TRIP11: variants seen among roughly 807,000 people sequenced by gnomAD.
The protein encoded by TRIP11 is thyroid hormone receptor interactor 11, also known as thyroid receptor-interacting protein 11.
A neutral mutation model predicts 223.1 loss-of-function variants in TRIP11; 148 were observed. That is an observed-to-expected ratio of 0.66 (90% CI 0.58 to 0.76). The LOEUF (loss-of-function observed/expected upper bound fraction) is 0.76. Ranked by LOEUF, TRIP11 falls within the 30% of genes least tolerant of loss-of-function variation. The pLI is 0.00. For missense variants in TRIP11, 2,043 were observed against 2,222.0 expected (o/e 0.92, Z 1.62); for synonymous variants, 762 against 772.6 (o/e 0.99, Z 0.23).
chr14:91,970,809 C>A (rs2056392537), intron 20 of TRIP11, among the ~76,000 whole-genome samples: 1 of 152,114 alleles, frequency 6.6e-6, no homozygotes. Context: ...CTTCATTTAC[C>A]ATAACAACAG....
In TRIP11 at chr14:91,969,485, T is replaced by C. The variant is rs2056374314; in HGVS notation, c.*188A>G. ...ATCAGAAGGAATAAAGCAGATTATA[T>C]AGCAAACACTTGCTCCTGACACCTG... On this transcript the variant is annotated 3_prime_UTR_variant, in exon 21 of 21. Coordinates refer to ENST00000267622, the MANE Select transcript of TRIP11 (RefSeq NM_004239.4). 12 of 650,368 alleles carry C rather than the reference T, an allele frequency of 1.8e-5. No homozygotes were observed. Among genetic ancestry groups the C allele is most frequent in the Middle Eastern group, 8.4e-4 (2 of 2,380 alleles). 40.3% of individuals were successfully genotyped at this position (650,368 alleles called of 1,614,324 possible).
At chr14:92,038,517 C>T (rs994394777) in intron 1 of TRIP11, among the ~76,000 whole-genome samples, 2 of 152,064 alleles carry the variant, frequency 1.3e-5, no homozygotes, top group African/African-American at 4.8e-5. Flanking sequence ...TCTATTCTTC[C>T]TTCCATCTAA....
chr14:91,986,700 C>G (rs1301800004), intron 16 of TRIP11, among the ~76,000 whole-genome samples: 1 of 152,204 alleles, frequency 6.6e-6, no homozygotes, highest in Non-Finnish European at 1.5e-5. Context: ...TGCTGTTTCA[C>G]CTCCATTAGT....
chr14:92,014,969 T>A (rs1379790307), intron 6 of TRIP11, among the ~76,000 whole-genome samples: 6 of 151,168 alleles, frequency 4.0e-5, no homozygotes, highest in Non-Finnish European at 7.4e-5. Flanking sequence ...AGTGGTGCCA[T>A]CTCGGCTCAC....
At chr14:91,988,254 T>C (rs1242696028) in intron 16 of TRIP11, 30 bp downstream of exon 16, 1 of 1,550,616 alleles carries the variant, frequency 6.4e-7, no homozygotes. Context: ...AGTATTGTAG[T>C]GGGGGAAAAA....
intron 13 of TRIP11, among the ~76,000 whole-genome samples, chr14:91,998,796 T>C (rs2056783460): frequency 6.6e-6 from 1 of 152,184 alleles, no homozygotes; most frequent in Non-Finnish European, 1.5e-5. Context: ...CAGTTAATTC[T>C]TCATACTGAC....
intron 16 of TRIP11, among the ~76,000 whole-genome samples, chr14:91,983,114 T>C (rs978797743): frequency 1.3e-5 from 2 of 152,210 alleles, no homozygotes; most frequent in Admixed American, 6.5e-5. Flanking sequence ...TTCACTAACC[T>C]TGTCTACCCT....
In TRIP11 at chr14:92,005,537, TTTC is replaced by T. The variant is rs757639058; in HGVS notation, c.2436_2438del (p.Lys813del). 3 of 1,611,286 alleles carry T rather than the reference TTTC, an allele frequency of 1.9e-6. No individual in the cohort carries two copies. Among genetic ancestry groups the T allele is most frequent in the Non-Finnish European group, 2.5e-6 (3 of 1,179,556 alleles). ...CTTTAAGCTTTTCAATAAAAATTTC[TTTC>T]TTGTTTATAAGTTGTGTCAACTGCT... On this transcript the variant is annotated inframe_deletion, in exon 11 of 21. Coordinates refer to ENST00000267622, the MANE Select transcript of TRIP11 (RefSeq NM_004239.4).
intron 3 of TRIP11, among the ~76,000 whole-genome samples, chr14:92,023,895 AC>A (rs1193542420): frequency 1.3e-5 from 2 of 148,382 alleles, no homozygotes; most frequent in Non-Finnish European, 3.0e-5. Context: ...TCGTTCTGTG[AC>A]CCAGGCTAGA....
intron 15 of TRIP11, among the ~76,000 whole-genome samples, chr14:91,993,266 C>T (rs2056702628): frequency 6.6e-6 from 1 of 151,946 alleles, no homozygotes; most frequent in Admixed American, 6.6e-5. Context: ...CACCTGAGGT[C>T]AGGAGTTCGA....
In TRIP11 at chr14:92,037,494, T is replaced by C. The variant is rs72707306; in HGVS notation, c.139+2053A>G. 0.077 allele frequency among the ~76,000 whole-genome samples: 11,712 copies of C among 152,278 alleles called. 590 individuals carry two copies. Among genetic ancestry groups the C allele is most frequent in the Admixed American group, 0.14 (2,188 of 15,302 alleles). ...AGAGGCTTGAAGTTGTGTAAGTGCC[T>C]GACAAAATCCCACACGACAGAAGCT... On this transcript the variant is annotated intron_variant, in intron 1 of 20. Coordinates refer to ENST00000267622, the MANE Select transcript of TRIP11 (RefSeq NM_004239.4). This position sits in a 1 kb window ranked among gnomAD's most constrained non-coding sequence, Gnocchi z 4.2.
At chr14:92,008,293 TAAATAA>T (rs2140122351) in intron 9 of TRIP11, among the ~76,000 whole-genome samples, 1 of 152,280 alleles carries the variant, frequency 6.6e-6, no homozygotes, top group Non-Finnish European at 1.5e-5. Context: ...AGCCTCAGAC[TAAATAA>T]AAATATAAAA....
At position 92,004,686 on chromosome 14, in the gene TRIP11, T is replaced by G. The variant is rs778834825; in HGVS notation, c.3290A>C (p.Glu1097Ala). The stretch of plus-strand genomic sequence containing the variant: ...CAAAACAGCAAATACCTTTTCTCTT[T>G]CCATAGCATAAGCCTGCAGTTGCTG... ...LQQQLQAYAM[E>A]REKVFAVLNE... Residue 1097 changes from glutamate (E) to alanine (A), a missense_variant, in exon 11 of 21, where the codon GAA becomes GCA. Physicochemically the swap from Glu to Ala is moderately radical, Grantham distance 107. Coordinates refer to ENST00000267622, the MANE Select transcript of TRIP11 (RefSeq NM_004239.4). 1 of 1,614,144 alleles carries G rather than the reference T, an allele frequency of 6.2e-7. No individual in the cohort carries two copies. The highest frequency in any genetic ancestry group is 1.7e-5 in the Admixed American group (1 of 60,024).
chr14:91,984,100 TA>T (rs577175889), intron 16 of TRIP11, among the ~76,000 whole-genome samples: 50 of 149,296 alleles, frequency 3.3e-4, no homozygotes, highest in South Asian at 1.3e-3. Flanking sequence ...TCAACCTTCT[TA>T]AAAAAAAAAT....
Position 91,969,856 on chromosome 14 carries a change from T to A in TRIP11, c.5757A>T (p.Val1919=). Residue 1919 remains valine (V), a synonymous_variant, in exon 21 of 21, where the codon GTA becomes GTT. Transcript: ENST00000267622. ...AESRSGRRTD[V]NPFLAPRSAA... is the part of the protein sequence containing the mutation. ...CCGAGCGAGGAGCCAAAAACGGATTTACATCTGTTCTTCTACCAGACCTGG... is the reference window on the plus strand; with the variant it reads ...CCGAGCGAGGAGCCAAAAACGGATTAACATCTGTTCTTCTACCAGACCTGG... 6.2e-7 allele frequency: 1 copy of A among 1,614,210 alleles called. No homozygotes were observed. Among genetic ancestry groups the A allele is most frequent in the Non-Finnish European group, 8.5e-7 (1 of 1,180,030 alleles).
chr14:92,026,813 G>A (rs541907894), intron 2 of TRIP11: 129 of 1,353,830 alleles, frequency 9.5e-5, no homozygotes, highest in Non-Finnish European at 1.2e-4. Flanking sequence ...GTCAGCTACC[G>A]GCAAGTGGGC....
At chr14:92,018,511 T>C (rs1034479070) in intron 4 of TRIP11, among the ~76,000 whole-genome samples, 4 of 152,210 alleles carry the variant, frequency 2.6e-5, no homozygotes, top group African/African-American at 9.7e-5. Flanking sequence ...TTTATCTTTA[T>C]TAATATTACT....
In TRIP11 at chr14:91,988,320, C is replaced by T; in HGVS notation, c.5224G>A (p.Val1742Ile). The change falls in exon 16 of 21, where the codon GTA (valine) becomes ATA (isoleucine). Residue 1742 changes from valine to isoleucine, a missense_variant. By Grantham distance (29) the Val-to-Ile change is conservative (BLOSUM62 3). Transcript: ENST00000267622. ...AGTTCTTCAATTTGTTCTTCTTTTA[C>T]ATCTAACTGTTCTGTAAGTCTTGAT... ...SASRLTEQLD[V>I]KEEQIEELKR... 6.2e-7 allele frequency: 1 copy of T among 1,613,512 alleles called. No homozygotes were observed. The highest frequency in any genetic ancestry group is 8.5e-7 in the Non-Finnish European group (1 of 1,179,848).
At chr14:92,024,222 T>G (rs1202670652) in intron 3 of TRIP11, among the ~76,000 whole-genome samples, 1 of 151,816 alleles carries the variant, frequency 6.6e-6, no homozygotes, top group Non-Finnish European at 1.5e-5. Context: ...TAATAAAAAT[T>G]CAAAAATTAG....
Sources: allele counts gnomAD v4.1 joint callset (sites outside exome capture counted in the v4.1 genomes callset), GRCh38; gene constraint gnomAD v4.1.1; non-coding constraint Gnocchi (gnomAD v3.1); transcripts MANE v1.5; gene names NCBI Gene and HGNC (gene_info 2026-07-23, HGNC 2026-07-21).